PDE1C: variants seen among roughly 807,000 people sequenced by gnomAD.
PDE1C encodes dual specificity calcium/calmodulin-dependent 3',5'-cyclic nucleotide phosphodiesterase 1C.
Under a neutral mutation model 93.1 loss-of-function variants are expected in PDE1C, and 62 were observed. That is an observed-to-expected ratio of 0.67 (90% CI 0.54 to 0.82). The LOEUF (loss-of-function observed/expected upper bound fraction) is 0.82. Among genes scored for constraint, PDE1C ranks in the 40% least tolerant of loss-of-function variants. The pLI is 0.00. For missense variants in PDE1C, 742 were observed against 884.6 expected (o/e 0.84, Z 2.04); for synonymous variants, 325 against 310.1 (o/e 1.05, Z -0.50).
intron 2 of PDE1C, among the ~76,000 whole-genome samples, chr7:31,972,943 G>A (rs1222671065): frequency 6.6e-6 from 1 of 152,034 alleles, no homozygotes; most frequent in Non-Finnish European, 1.5e-5. Flanking sequence ...ACCCTCACAG[G>A]TAGCACAAGC....
In PDE1C at chr7:32,396,727, GT is replaced by G. The variant is rs1025512854; in HGVS notation, c.310+31094del. Among the ~76,000 whole-genome samples, 372 of 151,532 alleles carry G rather than the reference GT, an allele frequency of 2.5e-3. 1 individual carries two copies. The highest frequency in any genetic ancestry group is 8.4e-3 in the African/African-American group (347 of 41,094). On this transcript the variant is annotated intron_variant, in intron 1 of 1. Transcript: ENST00000672256. Reference sequence around the variant, plus strand: ...TTGTGTATGTTTGTTATAGTAAAATGTTTTTTTTAAACTGGTGCCAAAAAAA... The same window carrying G: ...TTGTGTATGTTTGTTATAGTAAAATGTTTTTTTAAACTGGTGCCAAAAAAA...
chr7:32,267,586 A>ACTCTCTCT (rs57210713), intron 1 of PDE1C, among the ~76,000 whole-genome samples: 3,912 of 117,278 alleles, frequency 0.033, 92 homozygotes, highest in East Asian at 0.062. Flanking sequence ...ACACACACAC[A>ACTCTCTCT]CTCTCTCTCT....
chr7:32,017,394 C>T (rs1181150121), intron 2 of PDE1C, among the ~76,000 whole-genome samples: 1 of 152,000 alleles, frequency 6.6e-6, no homozygotes, highest in Non-Finnish European at 1.5e-5. Flanking sequence ...CTATAAAACT[C>T]TTAGAAGAAA....
At chr7:31,814,095 CA>C in intron 15 of PDE1C, among the ~76,000 whole-genome samples, 1 of 151,726 alleles carries the variant, frequency 6.6e-6, no homozygotes, top group Middle Eastern at 3.4e-3. Context: ...CACACACACA[CA>C]CACACATATA....
chr7:32,389,212 TTG>T (rs1585138387), intron 1 of PDE1C, among the ~76,000 whole-genome samples: 7 of 136,768 alleles, frequency 5.1e-5, no homozygotes, highest in South Asian at 2.4e-4. Context: ...TTTTGTTTGT[TTG>T]TTTGTTTGTT....
At chr7:31,799,213 G>A (rs986024974) in intron 16 of PDE1C, among the ~76,000 whole-genome samples, 2 of 151,658 alleles carry the variant, frequency 1.3e-5, no homozygotes, top group African/African-American at 4.8e-5. Context: ...ACATACATGT[G>A]TCAGTTCTAC....
At chr7:32,322,180 CA>C (rs1783306889) in intron 1 of PDE1C, among the ~76,000 whole-genome samples, 2 of 152,160 alleles carry the variant, frequency 1.3e-5, no homozygotes, top group South Asian at 4.1e-4. Flanking sequence ...CAGGGTTACT[CA>C]GATTATAAGT....
intron 1 of PDE1C, among the ~76,000 whole-genome samples, chr7:32,404,373 T>C (rs1785010358): frequency 6.6e-6 from 1 of 152,226 alleles, no homozygotes; most frequent in Admixed American, 6.5e-5. Flanking sequence ...TTGGTTTTGG[T>C]TTTTGAGAAA....
intron 17 of PDE1C, among the ~76,000 whole-genome samples, chr7:31,769,875 T>C (rs1156289426): frequency 6.6e-6 from 1 of 152,242 alleles, no homozygotes; most frequent in African/African-American, 2.4e-5. Context: ...ACCTTTTGTG[T>C]CTGGCTTCTT....
chr7:32,254,100 G>A (rs762774975), intron 1 of PDE1C, among the ~76,000 whole-genome samples: 5 of 152,162 alleles, frequency 3.3e-5, no homozygotes, highest in Non-Finnish European at 5.9e-5. Flanking sequence ...AGGCGATACG[G>A]GGCGTATCAG....
chr7:31,866,973 T>A lies in PDE1C; in HGVS notation c.610-1891A>T, dbSNP rs1278522930. Among the ~76,000 whole-genome samples, 6 of 151,850 alleles carry A rather than the reference T, an allele frequency of 4.0e-5. No homozygotes were observed. In the South Asian group the frequency reaches 1.3e-3, roughly 32 times the overall value. The stretch of plus-strand genomic sequence containing the variant: ...GGGAGCTCATGCTGGGTCCCACACA[T>A]CCCCTAACCCCCTACCCAGCTACAG... On this transcript the variant is annotated intron_variant, in intron 6 of 17. Coordinates refer to ENST00000396191, the MANE Select transcript of PDE1C (RefSeq NM_001191057.4).
chr7:31,897,825 C>A (rs1472185267), intron 2 of PDE1C, among the ~76,000 whole-genome samples: 2 of 152,130 alleles, frequency 1.3e-5, no homozygotes, highest in African/African-American at 2.4e-5. Flanking sequence ...GTTAGAAGAA[C>A]TTCTGCTCAA....
At chr7:32,412,437 C>T (rs1004364989) in intron 1 of PDE1C, among the ~76,000 whole-genome samples, 33 of 139,648 alleles carry the variant, frequency 2.4e-4, no homozygotes, top group Non-Finnish European at 4.5e-4. Flanking sequence ...GTCTAGGTGA[C>T]AGAGTGAGAC....
chr7:31,652,667 G>A, the PDE1C span: 4 of 1,613,886 alleles, frequency 2.5e-6, no homozygotes, highest in South Asian at 4.4e-5. Context: ...ATGATGGCCA[G>A]GAGGCTCCCT....
At chr7:32,131,929 A>G (rs1421004646) in intron 3 of PDE1C, among the ~76,000 whole-genome samples, 1 of 152,166 alleles carries the variant, frequency 6.6e-6, no homozygotes, top group Non-Finnish European at 1.5e-5. Context: ...TGGTAATAGT[A>G]GTAGTAGTAG....
At chr7:31,995,331 C>G (rs557966807) in intron 2 of PDE1C, among the ~76,000 whole-genome samples, 3 of 152,204 alleles carry the variant, frequency 2.0e-5, no homozygotes, top group East Asian at 1.9e-4. Flanking sequence ...ACAAGAGAGT[C>G]CATTACGCAA....
intron 2 of PDE1C, among the ~76,000 whole-genome samples, chr7:31,912,681 T>C (rs556211355): frequency 1.3e-5 from 2 of 152,166 alleles, no homozygotes; most frequent in South Asian, 4.1e-4. Context: ...AGTGAGACCT[T>C]GTCTCAAAAA....
chr7:31,655,168 G>T, the PDE1C span, among the ~76,000 whole-genome samples: 1 of 152,034 alleles, frequency 6.6e-6, no homozygotes, highest in African/African-American at 2.4e-5. Flanking sequence ...CTCACTCTTG[G>T]CTAAAGCTGA....
At chr7:32,187,491 T>C (rs962486276) in intron 2 of PDE1C, among the ~76,000 whole-genome samples, 3 of 152,212 alleles carry the variant, frequency 2.0e-5, no homozygotes, top group Non-Finnish European at 2.9e-5. Flanking sequence ...TAAATTGTTA[T>C]TTTAATATTA....
Sources: allele counts gnomAD v4.1 joint callset (sites outside exome capture counted in the v4.1 genomes callset), GRCh38; gene constraint gnomAD v4.1.1; transcripts MANE v1.5; gene names NCBI Gene and HGNC (gene_info 2026-07-23, HGNC 2026-07-21).